Variants in TTC29 observed in about 807,000 individuals in gnomAD.
TTC29 encodes tetratricopeptide repeat protein 29.
In TTC29, 49 loss-of-function variants were observed where a neutral mutation model predicts 58.1. The observed-to-expected ratio is 0.84, with a 90% CI of 0.67 to 1.07. TTC29 has a LOEUF of 1.07. Among genes scored for constraint, TTC29 ranks in the 50% least tolerant of loss-of-function variants. The pLI is 0.00. For missense variants in TTC29, 582 were observed against 555.6 expected (o/e 1.05, Z -0.48); for synonymous variants, 209 against 196.8 (o/e 1.06, Z -0.52).
At chr4:146,715,139 A>G (rs901205859) in intron 11 of TTC29, among the ~76,000 whole-genome samples, 1 of 152,152 alleles carries the variant, frequency 6.6e-6, no homozygotes, top group Non-Finnish European at 1.5e-5. Flanking sequence ...TGCCTGGCCT[A>G]TAAGATTCTT....
At chr4:146,907,471 T>C (rs556602853) in intron 5 of TTC29, among the ~76,000 whole-genome samples, 1 of 152,178 alleles carries the variant, frequency 6.6e-6, no homozygotes, top group Non-Finnish European at 1.5e-5. Context: ...TTTGGGCAAA[T>C]ACTAGAATGT....
At chr4:146,846,980 C>T (rs1389038255) in intron 8 of TTC29, among the ~76,000 whole-genome samples, 5 of 152,184 alleles carry the variant, frequency 3.3e-5, no homozygotes, top group Non-Finnish European at 5.9e-5. Context: ...TGATGTAATG[C>T]TTCCATATCA....
chr4:146,882,448 T>C (rs1731691999), intron 6 of TTC29, among the ~76,000 whole-genome samples: 1 of 152,154 alleles, frequency 6.6e-6, no homozygotes, highest in Non-Finnish European at 1.5e-5. Context: ...GGTAGTCGAC[T>C]ATTTTCCTCA....
intron 4 of TTC29, among the ~76,000 whole-genome samples, chr4:146,922,023 A>G (rs1734619174): frequency 1.3e-5 from 2 of 149,742 alleles, no homozygotes; most frequent in Admixed American, 1.3e-4. Context: ...AAAAAAAAAA[A>G]AAAAAAAGAA....
At chr4:146,769,471 T>C (rs1455391339) in intron 11 of TTC29, among the ~76,000 whole-genome samples, 1 of 152,026 alleles carries the variant, frequency 6.6e-6, no homozygotes, top group Non-Finnish European at 1.5e-5. Flanking sequence ...GGATCTACCA[T>C]TGGTTAATTC....
chr4:146,798,714 C>T (rs144505953), intron 11 of TTC29, among the ~76,000 whole-genome samples: 7,704 of 151,198 alleles, frequency 0.051, 696 homozygotes, highest in African/African-American at 0.18. Flanking sequence ...AGTGAAACCC[C>T]GTCTCTACTA....
intron 10 of TTC29, among the ~76,000 whole-genome samples, chr4:146,809,357 C>G (rs1192422241): frequency 6.7e-6 from 1 of 150,030 alleles, no homozygotes; most frequent in Admixed American, 6.8e-5. Flanking sequence ...GCACCAAAAG[C>G]AATGGCAACA....
intron 11 of TTC29, among the ~76,000 whole-genome samples, chr4:146,776,956 A>T (rs1211971798): frequency 6.6e-6 from 1 of 152,064 alleles, no homozygotes; most frequent in East Asian, 1.9e-4. Context: ...GAATTGGAAC[A>T]GAGAGGCAGG....
chr4:146,774,639 T>G (rs1181782984), intron 11 of TTC29, among the ~76,000 whole-genome samples: 2 of 152,186 alleles, frequency 1.3e-5, no homozygotes, highest in African/African-American at 2.4e-5. Context: ...TATGGCCTGT[T>G]GTGCGGTAGA....
At chr4:146,749,321 A>G (rs1745791079) in intron 11 of TTC29, among the ~76,000 whole-genome samples, 1 of 152,090 alleles carries the variant, frequency 6.6e-6, no homozygotes, top group African/African-American at 2.4e-5. Context: ...AAAACAAACT[A>G]AAAAGATATA....
intron 6 of TTC29, among the ~76,000 whole-genome samples, chr4:146,881,477 G>C (rs1731620428): frequency 6.6e-6 from 1 of 152,026 alleles, no homozygotes; most frequent in Non-Finnish European, 1.5e-5. Flanking sequence ...TTTTAATCTA[G>C]AGCTACTGGA....
At chr4:146,736,045 C>T (rs746864339) in intron 11 of TTC29, among the ~76,000 whole-genome samples, 3 of 152,104 alleles carry the variant, frequency 2.0e-5, no homozygotes, top group African/African-American at 7.2e-5. Context: ...GGTCATCCAA[C>T]ATTAAAGGAC....
intron 8 of TTC29, among the ~76,000 whole-genome samples, chr4:146,863,273 A>G (rs1730360551): frequency 6.6e-6 from 1 of 152,200 alleles, no homozygotes; most frequent in Admixed American, 6.5e-5. Context: ...TCTTTTAGAA[A>G]TACCTGGTAT....
intron 4 of TTC29, 97 bp downstream of exon 4, chr4:146,937,497 G>GA: frequency 2.5e-6 from 2 of 794,794 alleles, no homozygotes; most frequent in South Asian, 3.6e-5. Flanking sequence ...ATGTTCCAAT[G>GA]AAAAAGTATA....
intron 11 of TTC29, among the ~76,000 whole-genome samples, chr4:146,710,657 G>C (rs546796279): frequency 5.3e-5 from 8 of 152,212 alleles, no homozygotes; most frequent in South Asian, 2.1e-4. Flanking sequence ...GACTTCAAGG[G>C]AGCTGGAAGA....
At chr4:146,719,837 G>GA (rs960005890) in intron 11 of TTC29, among the ~76,000 whole-genome samples, 1 of 149,882 alleles carries the variant, frequency 6.7e-6, no homozygotes, top group Non-Finnish European at 1.5e-5. Flanking sequence ...GTCAGAAAAA[G>GA]AAAAAAAAAG....
intron 11 of TTC29, among the ~76,000 whole-genome samples, chr4:146,761,761 G>C (rs958630833): frequency 6.7e-6 from 1 of 149,988 alleles, no homozygotes; most frequent in Non-Finnish European, 1.5e-5. Context: ...AAATAACCAG[G>C]GAATGTCTCT....
At chr4:146,816,073 T>C (rs537372459) in intron 10 of TTC29, among the ~76,000 whole-genome samples, 2 of 152,324 alleles carry the variant, frequency 1.3e-5, no homozygotes, top group South Asian at 4.1e-4. Flanking sequence ...GAGTTTAGTG[T>C]CTGAAGTTAA....
chr4:146,836,127 T>C (rs1181866335), intron 8 of TTC29, among the ~76,000 whole-genome samples: 1 of 152,174 alleles, frequency 6.6e-6, no homozygotes, highest in Admixed American at 6.6e-5. Context: ...CTTCTGAGAA[T>C]GGTTGTAATG....
Sources: allele counts gnomAD v4.1 joint callset (sites outside exome capture counted in the v4.1 genomes callset), GRCh38; gene constraint gnomAD v4.1.1; transcripts MANE v1.5; gene names NCBI Gene and HGNC (gene_info 2026-07-23, HGNC 2026-07-21).